LGSN: variants seen among roughly 807,000 people sequenced by gnomAD.
The protein encoded by LGSN is lengsin, lens protein with glutamine synthetase domain, also known as lengsin.
In LGSN, 21 loss-of-function variants were observed where a neutral mutation model predicts 19.5. That is an observed-to-expected ratio of 1.07 (90% CI 0.76 to 1.55). The LOEUF is 1.55. LGSN is among the 40% of genes most tolerant of loss of function. The probability of loss-of-function intolerance (pLI) is 0.00; values close to 1 mark genes in which losing one functional copy is unlikely to be tolerated. For synonymous variants in LGSN, 257 were observed against 215.6 expected, an observed-to-expected ratio of 1.19 and a Z score of -1.68; for missense variants, 673 against 608.5, an observed-to-expected ratio of 1.11 and a Z score of -1.12.
chr6:63,292,530 T>A (rs1382805226), intron 2 of LGSN, among the ~76,000 whole-genome samples: 3 of 152,142 alleles, frequency 2.0e-5, no homozygotes, highest in African/African-American at 7.2e-5. Context: ...TGACTTCAAG[T>A]CATGCAGTAA....
At chr6:63,377,913 CAAA>C in the LGSN span, among the ~76,000 whole-genome samples, 9 of 54,324 alleles carry the variant, frequency 1.7e-4, no homozygotes, top group African/African-American at 5.1e-4. Context: ...GACTCCATCT[CAAA>C]AAAAAAAAAA....
At chr6:63,378,673 G>A in the LGSN span, among the ~76,000 whole-genome samples, 1 of 152,098 alleles carries the variant, frequency 6.6e-6, no homozygotes, top group Non-Finnish European at 1.5e-5. Flanking sequence ...ACAAAAAGGA[G>A]GGAGATGCCA....
the LGSN span, among the ~76,000 whole-genome samples, chr6:63,559,437 A>G: frequency 2.0e-5 from 3 of 152,160 alleles, no homozygotes; most frequent in South Asian, 4.1e-4. Context: ...AGCAAAAAAA[A>G]TCATTTGGTT....
chr6:63,415,886 A>G, the LGSN span, among the ~76,000 whole-genome samples: 16 of 152,206 alleles, frequency 1.1e-4, no homozygotes, highest in Admixed American at 1.0e-3. Flanking sequence ...TCACCCGGGC[A>G]TTTATTATTC....
At chr6:63,437,811 TC>T in the LGSN span, among the ~76,000 whole-genome samples, 4 of 152,088 alleles carry the variant, frequency 2.6e-5, no homozygotes, top group Non-Finnish European at 5.9e-5. Context: ...GCACCTGTAA[TC>T]CCAGCTACTT....
the LGSN span, among the ~76,000 whole-genome samples, chr6:63,461,662 A>G: frequency 1.6e-4 from 24 of 152,250 alleles, no homozygotes; most frequent in African/African-American, 5.8e-4. Context: ...TCAAGAAATT[A>G]CATTAACTAC....
At chr6:63,563,764 T>C in the LGSN span, among the ~76,000 whole-genome samples, 3 of 151,966 alleles carry the variant, frequency 2.0e-5, no homozygotes, top group Non-Finnish European at 4.4e-5. Flanking sequence ...CCAAGGAAAG[T>C]GGAAAGTGAG....
At chr6:63,513,626 A>G in the LGSN span, among the ~76,000 whole-genome samples, 1 of 152,178 alleles carries the variant, frequency 6.6e-6, no homozygotes, top group South Asian at 2.1e-4. Context: ...TAGAAAAGCA[A>G]TTGGCCAGGT....
chr6:63,331,192 T>G, the LGSN span, among the ~76,000 whole-genome samples: 28 of 152,240 alleles, frequency 1.8e-4, no homozygotes, highest in African/African-American at 6.5e-4. Flanking sequence ...AGGATATGGG[T>G]GTAAGCTGAG....
chr6:63,390,871 A>G, the LGSN span, among the ~76,000 whole-genome samples: 13 of 149,026 alleles, frequency 8.7e-5, no homozygotes, highest in African/African-American at 3.4e-4. Flanking sequence ...AAAAAAAAAA[A>G]AAAAAAGAAA....
At chr6:63,464,146 TAA>T in the LGSN span, among the ~76,000 whole-genome samples, 5 of 150,030 alleles carry the variant, frequency 3.3e-5, no homozygotes, top group South Asian at 2.1e-4. Context: ...TTTCCCTAAT[TAA>T]AAAAAAAAAT....
At chr6:63,331,878 C>A in the LGSN span, among the ~76,000 whole-genome samples, 1 of 152,096 alleles carries the variant, frequency 6.6e-6, no homozygotes, top group Non-Finnish European at 1.5e-5. Context: ...CCGACGCATT[C>A]TTGAAAACCT....
the LGSN span, among the ~76,000 whole-genome samples, chr6:63,432,418 G>A: frequency 2.6e-5 from 4 of 152,226 alleles, no homozygotes; most frequent in East Asian, 3.9e-4. Flanking sequence ...TAGGCTGAGC[G>A]TGGTGGCTCA....
intron 2 of LGSN, among the ~76,000 whole-genome samples, chr6:63,293,016 G>C (rs541678921): frequency 1.3e-5 from 2 of 152,006 alleles, no homozygotes; most frequent in South Asian, 4.1e-4. Flanking sequence ...TTTTCAGAGT[G>C]GGGTAGGGGG....
chr6:63,453,064 A>G, the LGSN span, among the ~76,000 whole-genome samples: 3 of 152,262 alleles, frequency 2.0e-5, no homozygotes, highest in East Asian at 1.9e-4. Flanking sequence ...TATTAAAAGC[A>G]TAGTGTTTAG....
chr6:63,288,969 A>AATG, intron 2 of LGSN, among the ~76,000 whole-genome samples: 1 of 152,336 alleles, frequency 6.6e-6, no homozygotes, highest in African/African-American at 2.4e-5. Flanking sequence ...AACACCATTC[A>AATG]ACACATAACA....
At chr6:63,494,361 A>G in the LGSN span, among the ~76,000 whole-genome samples, 1 of 152,146 alleles carries the variant, frequency 6.6e-6, no homozygotes, top group Admixed American at 6.6e-5. Flanking sequence ...TAAAATATAT[A>G]AGCAGAATAG....
At chr6:63,386,244 T>C in the LGSN span, among the ~76,000 whole-genome samples, 1 of 152,154 alleles carries the variant, frequency 6.6e-6, no homozygotes, top group Admixed American at 6.5e-5. Flanking sequence ...GATGAATACA[T>C]AGAGCTTAAT....
At position 63,279,921 on chromosome 6, in the gene LGSN, A is replaced by T; in HGVS notation, c.*100T>A. 9.0e-7 allele frequency: 1 copy of T among 1,114,622 alleles called. No homozygotes were observed. The allele number at this position is 1,114,622 out of a possible 1,614,324, so 69.0% of individuals were successfully genotyped here. On this transcript the variant is annotated 3_prime_UTR_variant, in exon 4 of 4. Coordinates refer to ENST00000370657, the MANE Select transcript of LGSN (RefSeq NM_016571.3). ...AGTCAAAAGCATTCGTAATCTTGTT[A>T]TTGTTGCTGTTGTTAATTACAAAAG... is the stretch of plus-strand genomic sequence containing the variant.
Sources: allele counts gnomAD v4.1 joint callset (sites outside exome capture counted in the v4.1 genomes callset), GRCh38; gene constraint gnomAD v4.1.1; transcripts MANE v1.5; gene names NCBI Gene and HGNC (gene_info 2026-07-23, HGNC 2026-07-21).